APP: variants seen among roughly 807,000 people sequenced by gnomAD.
APP encodes the protein amyloid-beta precursor protein.
APP carries 31 observed loss-of-function variants against 101.4 expected under a neutral mutation model. The observed-to-expected ratio is 0.31, with a 90% CI of 0.23 to 0.41. The LOEUF (loss-of-function observed/expected upper bound fraction) is 0.41, where lower values mean the gene tolerates loss of function less well. APP is among the 10% of genes least tolerant of loss of function. APP has a pLI of 1.00. For missense variants in APP, 839 were observed against 1,003.7 expected (o/e 0.84, Z 2.22); for synonymous variants, 366 against 364.4 (o/e 1.00, Z -0.05).
intron 1 of APP, among the ~76,000 whole-genome samples, chr21:26,144,274 G>A (rs533668708): frequency 1.4e-4 from 22 of 152,154 alleles, no homozygotes; most frequent in Non-Finnish European, 2.2e-4. Flanking sequence ...TCCAGGTGGG[G>A]ATGGAGCCAA....
At chr21:26,109,263 G>A (rs1295797028) in intron 2 of APP, among the ~76,000 whole-genome samples, 1 of 152,218 alleles carries the variant, frequency 6.6e-6, no homozygotes, top group Admixed American at 6.5e-5. Flanking sequence ...ATGTCGAATT[G>A]TAATTCCCAG....
At chr21:25,962,551 C>A (rs1018210662) in intron 11 of APP, among the ~76,000 whole-genome samples, 7 of 152,304 alleles carry the variant, frequency 4.6e-5, no homozygotes, top group Admixed American at 6.5e-5. Context: ...TAGTGGCCTT[C>A]CCAATTTTCA....
In APP at chr21:25,955,564, A is replaced by T. The variant is rs1338823632; in HGVS notation, c.1587+63T>A. 8 of 1,612,834 alleles carry T rather than the reference A, an allele frequency of 5.0e-6. No individual in the cohort carries two copies. The East Asian group carries it at 1.6e-4, about 31-fold the overall frequency. ...GGAGAATGCGTGGGATCCTGTCACC[A>T]ACCCAAGAAGCAAGAATCCTGGATT... On this transcript the variant is annotated intron_variant, in intron 12 of 17. Transcript: ENST00000346798.
chr21:26,007,442 A>T (rs907545895), intron 6 of APP, among the ~76,000 whole-genome samples: 5 of 147,478 alleles, frequency 3.4e-5, no homozygotes, highest in Non-Finnish European at 7.5e-5. Context: ...ATATTTATAA[A>T]TTATATATTA....
chr21:25,920,172 A>T (rs1261264413), intron 13 of APP, among the ~76,000 whole-genome samples: 2 of 151,052 alleles, frequency 1.3e-5, no homozygotes, highest in Non-Finnish European at 2.9e-5. Context: ...CAGACAAGCA[A>T]ATGCTGAGAG....
intron 1 of APP, among the ~76,000 whole-genome samples, chr21:26,146,259 C>T (rs1247830006): frequency 6.6e-6 from 1 of 152,202 alleles, no homozygotes; most frequent in Non-Finnish European, 1.5e-5. Flanking sequence ...TCACTTGAAC[C>T]TGGGAGGCAG....
At chr21:26,035,955 A>G (rs1242957752) in intron 5 of APP, among the ~76,000 whole-genome samples, 2 of 152,150 alleles carry the variant, frequency 1.3e-5, no homozygotes, top group Non-Finnish European at 2.9e-5. Context: ...ACTGAGATAG[A>G]ATAGCTTTGA....
At chr21:25,955,334 T>C (rs2041267071) in intron 12 of APP, among the ~76,000 whole-genome samples, 1 of 152,250 alleles carries the variant, frequency 6.6e-6, no homozygotes, top group East Asian at 1.9e-4. Context: ...TTCAAGATTT[T>C]AGTTTATACA....
At chr21:25,935,713 G>A (rs550768773) in intron 13 of APP, among the ~76,000 whole-genome samples, 148 of 151,746 alleles carry the variant, frequency 9.8e-4, no homozygotes, top group Non-Finnish European at 1.8e-3. Flanking sequence ...GGTGGTGCGC[G>A]CCTATAATCC....
At chr21:26,056,560 CT>C (rs1445845068) in intron 3 of APP, among the ~76,000 whole-genome samples, 1 of 151,294 alleles carries the variant, frequency 6.6e-6, no homozygotes, top group Non-Finnish European at 1.5e-5. Flanking sequence ...CACCACCCCC[CT>C]GCCCCCAACA....
At chr21:26,074,203 G>A (rs1442985616) in intron 3 of APP, among the ~76,000 whole-genome samples, 1 of 152,086 alleles carries the variant, frequency 6.6e-6, no homozygotes, top group Admixed American at 6.6e-5. Flanking sequence ...AATAAATAAA[G>A]AGAATGCCCC....
At chr21:25,910,869 GTAAGAA>G (rs1290708784) in intron 14 of APP, among the ~76,000 whole-genome samples, 1 of 152,172 alleles carries the variant, frequency 6.6e-6, no homozygotes, top group Non-Finnish European at 1.5e-5. Flanking sequence ...GAAATTTCAT[GTAAGAA>G]TAAGTAGCCA....
chr21:26,138,997 G>T (rs962017275), intron 1 of APP, among the ~76,000 whole-genome samples: 1 of 152,066 alleles, frequency 6.6e-6, no homozygotes, highest in Non-Finnish European at 1.5e-5. Flanking sequence ...GGGGAATTGT[G>T]ACACGGTTAC....
At chr21:26,154,427 A>C (rs1456685503) in intron 1 of APP, among the ~76,000 whole-genome samples, 1 of 152,160 alleles carries the variant, frequency 6.6e-6, no homozygotes, top group East Asian at 1.9e-4. Context: ...CAATAGAAAA[A>C]GATGAACTGA....
chr21:26,062,528 G>T (rs1297028028), intron 3 of APP, among the ~76,000 whole-genome samples: 1 of 151,584 alleles, frequency 6.6e-6, no homozygotes, highest in Non-Finnish European at 1.5e-5. Context: ...TGGGCATGGT[G>T]GCGGGTGCCT....
intron 13 of APP, among the ~76,000 whole-genome samples, chr21:25,936,628 T>G (rs926146671): frequency 1.3e-5 from 2 of 152,176 alleles, no homozygotes; most frequent in African/African-American, 4.8e-5. Context: ...AGGTGGCCAT[T>G]TGTAAATCAA....
intron 3 of APP, among the ~76,000 whole-genome samples, chr21:26,088,621 T>A (rs888329725): frequency 9.2e-5 from 14 of 152,202 alleles, no homozygotes; most frequent in Non-Finnish European, 2.1e-4. Flanking sequence ...ACTAAGTGAG[T>A]ATAAAATACA....
intron 17 of APP, among the ~76,000 whole-genome samples, chr21:25,885,117 A>T (rs2037238157): frequency 6.6e-6 from 1 of 152,244 alleles, no homozygotes; most frequent in African/African-American, 2.4e-5. Flanking sequence ...CTTAGGAGCT[A>T]CAGAAGAAGG....
intron 9 of APP, among the ~76,000 whole-genome samples, chr21:25,980,319 C>A (rs2042380220): frequency 6.6e-6 from 1 of 152,082 alleles, no homozygotes; most frequent in Non-Finnish European, 1.5e-5. Flanking sequence ...TTTGTGAGGG[C>A]ACAGGAAGCC....
Sources: gnomAD v4.1 joint callset for allele counts (sites outside exome capture counted in the v4.1 genomes callset) on GRCh38, gnomAD v4.1.1 for gene constraint, MANE v1.5 for transcripts, NCBI Gene and HGNC (gene_info 2026-07-23, HGNC 2026-07-21) for gene names.